DNAH8: variants seen among roughly 807,000 people sequenced by gnomAD.
DNAH8 encodes dynein axonemal heavy chain 8.
DNAH8 carries 382 observed loss-of-function variants against 562.1 expected under a neutral mutation model. The observed-to-expected ratio is 0.68, with a 90% CI of 0.63 to 0.74. The LOEUF is 0.74. Among genes scored for constraint, DNAH8 ranks in the 30% least tolerant of loss-of-function variants. The pLI is 0.00. For synonymous variants in DNAH8, 1,881 were observed against 1,919.4 expected, an observed-to-expected ratio of 0.98 and a Z score of 0.52; for missense variants, 5,203 against 5,620.4, an observed-to-expected ratio of 0.93 and a Z score of 2.37.
At position 38,913,774 on chromosome 6, in the gene DNAH8, G is replaced by A. The variant is rs1006725411; in HGVS notation, c.9860-75G>A. 3.6e-5 allele frequency: 37 copies of A among 1,029,138 alleles called. No individual in the cohort carries two copies. The Admixed American group carries it at 6.9e-4, about 19-fold the overall frequency. 63.8% of individuals were successfully genotyped at this position (1,029,138 alleles called of 1,614,324 possible). On this transcript the variant is annotated intron_variant, in intron 66 of 92. Transcript: ENST00000327475. ...TTACATGTACAGTGCCTAATAAATA[G>A]TAAACATTGAATAAATATTTGATGA... is the stretch of plus-strand genomic sequence containing the variant.
intron 37 of DNAH8, among the ~76,000 whole-genome samples, chr6:38,849,803 G>T (rs1775599058): frequency 6.6e-6 from 1 of 151,958 alleles, no homozygotes; most frequent in Admixed American, 6.6e-5. Flanking sequence ...TTGTTTTGTG[G>T]CTTTACTGTC....
Position 38,827,730 on chromosome 6 carries a change from AAACTTTTT to A in DNAH8, c.4084-453_4084-446del, listed in dbSNP as rs1773470623. 1.1e-4 allele frequency among the ~76,000 whole-genome samples: 5 copies of A among 45,642 alleles called. 1 individual carries two copies. The highest frequency in any genetic ancestry group is 4.8e-4 in the African/African-American group (5 of 10,436). 29.9% of individuals were successfully genotyped at this position (45,642 alleles called of 152,430 possible). On this transcript the variant is annotated intron_variant, in intron 29 of 92. Transcript: ENST00000327475. ...GACTGCAAAAGCTTAATTCTTTACCAAACTTTTTTTTTTTTTTTTTTTTTTTTTTTTTT... is the reference window on the plus strand; with the variant it reads ...GACTGCAAAAGCTTAATTCTTTACCATTTTTTTTTTTTTTTTTTTTTTTTT...
chr6:38,791,670 A>G lies in DNAH8; in HGVS notation c.2897A>G (p.Asn966Ser), dbSNP rs775179967. Residue 966 changes from asparagine to serine, a missense_variant, in exon 21 of 93, where the codon AAT becomes AGT. Transcript: ENST00000327475. Reference sequence around the variant, plus strand: ...AAAGTAGAAGATATGTTGACCCTCAATGAGGTATGCATTTGTTCATTAAAT... The same window carrying G: ...AAAGTAGAAGATATGTTGACCCTCAGTGAGGTATGCATTTGTTCATTAAAT... ...ATKVEDMLTLNETYTKEWADI... is the reference protein window; with the variant it reads ...ATKVEDMLTLSETYTKEWADI... 1.9e-5 allele frequency: 31 copies of G among 1,612,804 alleles called. No homozygotes were observed. Among genetic ancestry groups the G allele is most frequent in the Non-Finnish European group, 2.3e-5 (27 of 1,179,674 alleles).
intron 30 of DNAH8, 152 bp from the exon 31 acceptor site, chr6:38,832,170 A>C (rs926499381): frequency 6.7e-6 from 4 of 598,332 alleles, no homozygotes; most frequent in Admixed American, 3.0e-5. Context: ...CTGTAGGTTC[A>C]TTTGGGTTAT....
Position 38,909,713 on chromosome 6 carries a change from G to A in DNAH8, c.9709G>A (p.Val3237Ile). Residue 3237 changes from valine (V) to isoleucine (I), a missense_variant, in exon 65 of 93, where the codon GTT (valine) becomes ATT (isoleucine). Physicochemically the swap from Val to Ile is conservative, Grantham distance 29. This residue lies in a region of DNAH8 where 977 missense variants were observed against 1,061.8 expected (regional missense o/e 0.92). Transcript: ENST00000327475. ...VETMGLFHDM[V>I]SESCESYFQR... Reference sequence around the variant, plus strand: ...AACAATGGGCCTGTTTCATGACATGGTTTCAGAGAGCTGTGAAAGTTATTT... The same window carrying A: ...AACAATGGGCCTGTTTCATGACATGATTTCAGAGAGCTGTGAAAGTTATTT... The A allele has an allele frequency of 6.2e-7, 1 of 1,614,074 alleles. No individual in the cohort carries two copies. Among genetic ancestry groups the A allele is most frequent in the Non-Finnish European group, 8.5e-7 (1 of 1,179,966 alleles).
chr6:38,971,513 C>A, intron 82 of DNAH8, 79 bp from the exon 83 acceptor site: 2 of 827,768 alleles, frequency 2.4e-6, no homozygotes, highest in Non-Finnish European at 3.6e-6. Flanking sequence ...AGGCTATAAT[C>A]ATTCAGAAAT....
At chr6:38,730,042 A>AT in intron 4 of DNAH8, 56 bp downstream of exon 4, 4 of 805,954 alleles carry the variant, frequency 5.0e-6, no homozygotes, top group Non-Finnish European at 8.3e-6. Context: ...GTTAAAGTGC[A>AT]GCATATTTTT....
chr6:38,788,605 A>G (rs1284205949), intron 18 of DNAH8, among the ~76,000 whole-genome samples: 2 of 152,068 alleles, frequency 1.3e-5, no homozygotes, highest in Non-Finnish European at 2.9e-5. Flanking sequence ...ATCTATTCAG[A>G]TCCTTTGCTC....
At chr6:38,858,185 A>G (rs1776351406) in intron 42 of DNAH8, among the ~76,000 whole-genome samples, 1 of 152,200 alleles carries the variant, frequency 6.6e-6, no homozygotes, top group Admixed American at 6.5e-5. Flanking sequence ...ATTCCTTTAG[A>G]AATGGGACTC....
intron 53 of DNAH8, 34 bp downstream of exon 53, chr6:38,875,862 A>T: frequency 1.4e-6 from 2 of 1,397,898 alleles, no homozygotes; most frequent in African/African-American, 2.9e-5. Flanking sequence ...AAATGAAATG[A>T]CTTTTTTCAA....
At position 38,826,462 on chromosome 6, in the gene DNAH8, A is replaced by G. The variant is rs962785264; in HGVS notation, c.4083+71A>G. The G allele has an allele frequency of 4.3e-6, 4 of 928,426 alleles. No individual in the cohort carries two copies. The African/African-American group carries it at 6.7e-5, about 15-fold the overall frequency. The allele number at this position is 928,426 out of a possible 1,614,324, so 57.5% of individuals were successfully genotyped here. ...TTTAAAGAAATAGAGACACACTAAG[A>G]AAGTGATTCTTTAACATATTCATCT... On this transcript the variant is annotated intron_variant, in intron 29 of 92. Coordinates refer to ENST00000327475, the MANE Select transcript of DNAH8 (RefSeq NM_001206927.2).
At chr6:38,974,592 G>T in intron 85 of DNAH8, 63 bp downstream of exon 85, 3 of 1,405,072 alleles carry the variant, frequency 2.1e-6, no homozygotes, top group Middle Eastern at 3.6e-4. Context: ...GGCCCCATTG[G>T]AGAGGCTTCC....
At chr6:38,867,765 A>C (rs199748568) in intron 47 of DNAH8, among the ~76,000 whole-genome samples, 85 of 151,850 alleles carry the variant, frequency 5.6e-4, no homozygotes, top group East Asian at 3.5e-3. Flanking sequence ...AAAAAAAAAA[A>C]AAAAAAACAA....
intron 91 of DNAH8, among the ~76,000 whole-genome samples, chr6:39,014,469 C>G (rs1766434292): frequency 6.6e-6 from 1 of 152,102 alleles, no homozygotes; most frequent in South Asian, 2.1e-4. Context: ...TAGGTACTTT[C>G]AATGAAGAGA....
chr6:38,951,446 C>G lies in DNAH8; in HGVS notation c.12377C>G (p.Pro4126Arg), dbSNP rs1273805892. 3.1e-6 allele frequency: 5 copies of G among 1,614,122 alleles called. No homozygotes were observed. Among genetic ancestry groups the G allele is most frequent in the Non-Finnish European group, 4.2e-6 (5 of 1,180,022 alleles). ...TGGGAAGAAAGTGATACCCGGACAC[C>G]TCTGATATGCTTCCTGTCCATGGGA... ...KTWEESDTRT[P>R]LICFLSMGSD... Residue 4126 changes from proline to arginine, a missense_variant, in exon 82 of 93, where the codon CCT becomes CGT. Coordinates refer to ENST00000327475, the MANE Select transcript of DNAH8 (RefSeq NM_001206927.2).
At chr6:38,720,713 C>T (rs1316094142) in intron 1 of DNAH8, among the ~76,000 whole-genome samples, 1 of 152,074 alleles carries the variant, frequency 6.6e-6, no homozygotes, top group East Asian at 1.9e-4. Flanking sequence ...AAATAGCAAA[C>T]AGAGGATCAT....
chr6:38,899,356 G>A (rs1008373201), intron 61 of DNAH8, among the ~76,000 whole-genome samples: 1 of 152,224 alleles, frequency 6.6e-6, no homozygotes, highest in Non-Finnish European at 1.5e-5. Flanking sequence ...TCATTGTTGA[G>A]TTAGGTGTCT....
rs145548830 is a variant in DNAH8, at chr6:38,956,172, C to T, written c.12451+4652C>T. On this transcript the variant is annotated intron_variant, in intron 82 of 92. Transcript: ENST00000327475. ...GCAAGAGCCCAGAAGGAGGCTTGCT[C>T]ATATCTAGCAGACTGGGAGTCTGAG... Among the ~76,000 whole-genome samples the T allele has an allele frequency of 2.5e-3, 377 of 152,332 alleles. 2 individuals carry two copies. Among genetic ancestry groups the T allele is most frequent in the African/African-American group, 8.2e-3 (342 of 41,584 alleles).
intron 23 of DNAH8, among the ~76,000 whole-genome samples, chr6:38,806,956 G>T (rs1413585698): frequency 6.6e-6 from 1 of 152,122 alleles, no homozygotes; most frequent in Non-Finnish European, 1.5e-5. Context: ...GAGGGGCCGG[G>T]TTCTAGAGCA....
Sources: gnomAD v4.1 joint callset for allele counts (sites outside exome capture counted in the v4.1 genomes callset) on GRCh38, gnomAD v4.1.1 for gene constraint, gnomAD v4.1.1 regional missense constraint, MANE v1.5 for transcripts, NCBI Gene and HGNC (gene_info 2026-07-23, HGNC 2026-07-21) for gene names.